Variants in CLCN1 observed in about 807,000 individuals in gnomAD.
CLCN1 encodes chloride voltage-gated channel 1, also known as chloride channel protein 1.
In CLCN1, 100 loss-of-function variants were observed where a neutral mutation model predicts 114.5. That is an observed-to-expected ratio of 0.87 (90% CI 0.74 to 1.03). The LOEUF is 1.03. Ranked by LOEUF, CLCN1 falls within the 50% of genes least tolerant of loss-of-function variation. The probability of loss-of-function intolerance (pLI) is 0.00; values close to 1 mark genes in which losing one functional copy is unlikely to be tolerated. For missense variants in CLCN1, 1,188 were observed against 1,250.0 expected (o/e 0.95, Z 0.75); for synonymous variants, 485 against 487.1 (o/e 1.00, Z 0.06).
intron 14 of CLCN1, 55 bp from the exon 15 acceptor site, chr7:143,341,874 C>T (rs1353789203): frequency 7.0e-7 from 1 of 1,422,962 alleles, no homozygotes; most frequent in East Asian, 2.3e-5. Context: ...CCCATATGTC[C>T]TTCATGCTAA....
At chr7:143,336,528 T>C (rs890780659) in intron 12 of CLCN1, among the ~76,000 whole-genome samples, 1 of 146,828 alleles carries the variant, frequency 6.8e-6, no homozygotes, top group Non-Finnish European at 1.5e-5. Context: ...GAGAATTGCT[T>C]GAACGCGGGA....
rs1586485724 is a variant in CLCN1, at chr7:143,321,626, C to G, written c.563-89C>G. On this transcript the variant is annotated intron_variant, in intron 4 of 22. Coordinates refer to ENST00000343257, the MANE Select transcript of CLCN1 (RefSeq NM_000083.3). The surrounding 1 kb of genome is among the most constrained non-coding windows in gnomAD (Gnocchi z 4.2). ...TCCTCCCCACCACTGCCTCTTCAGCCCTCTCCAATTCCCATTCCCATATTC... is the reference window on the plus strand; with the variant it reads ...TCCTCCCCACCACTGCCTCTTCAGCGCTCTCCAATTCCCATTCCCATATTC... 6.2e-7 allele frequency: 1 copy of G among 1,605,540 alleles called. No individual in the cohort carries two copies.
Position 143,350,864 on chromosome 7 carries a change from G to A in CLCN1, c.2595+210G>A, listed in dbSNP as rs1803378242. 6.6e-6 allele frequency among the ~76,000 whole-genome samples: 1 copy of A among 150,788 alleles called. No homozygotes were observed. Among genetic ancestry groups the A allele is most frequent in the Admixed American group, 6.6e-5 (1 of 15,080 alleles). Reference sequence around the variant, plus strand: ...GTGATCTCAGCTCACTGCAACCTCCGCCTCCCGGGTTCAAGTGATTCTCCT... The same window carrying A: ...GTGATCTCAGCTCACTGCAACCTCCACCTCCCGGGTTCAAGTGATTCTCCT... On this transcript the variant is annotated intron_variant, in intron 22 of 22. Transcript: ENST00000343257. The surrounding 1 kb of genome is among the most constrained non-coding windows in gnomAD (Gnocchi z 5.1).
At chr7:143,317,384 G>A (rs1251736306) in intron 1 of CLCN1, among the ~76,000 whole-genome samples, 1 of 151,808 alleles carries the variant, frequency 6.6e-6, no homozygotes, top group Non-Finnish European at 1.5e-5. Context: ...GAGTAGCTGG[G>A]ATTACAAGCA....
chr7:143,349,605 C>T (rs771996501), intron 20 of CLCN1, among the ~76,000 whole-genome samples: 1 of 152,172 alleles, frequency 6.6e-6, no homozygotes, highest in Non-Finnish European at 1.5e-5. Context: ...TGCCTTAATG[C>T]TTCTGTCATA....
At chr7:143,318,002 T>C (rs1018241505) in intron 1 of CLCN1, among the ~76,000 whole-genome samples, 5 of 152,188 alleles carry the variant, frequency 3.3e-5, no homozygotes, top group Non-Finnish European at 7.3e-5. Flanking sequence ...GGGAGTAGAA[T>C]TGGCCTGTTT....
Position 143,330,772 on chromosome 7 carries a change from G to T in CLCN1, c.854G>T (p.Gly285Val). 15 of 1,614,132 alleles carry T rather than the reference G, an allele frequency of 9.3e-6. No homozygotes were observed. The highest frequency in any genetic ancestry group is 1.3e-5 in the Non-Finnish European group (15 of 1,180,026). The part of the protein sequence containing the change: ...VGCCFGTPLG[G>V]VLFSIEVTST... ...CAACCACACTTCTGTGCCCCTGCAG[G>T]AGTGCTATTTAGCATCGAGGTCACC... The change falls in exon 8 of 23, where the codon GGA (glycine) becomes GTA (valine). Residue 285 changes from glycine to valine, a missense_variant and splice_region_variant. Physicochemically the swap from Gly to Val is moderately radical, Grantham distance 109 (BLOSUM62 -3). Coordinates refer to ENST00000343257, the MANE Select transcript of CLCN1 (RefSeq NM_000083.3).
In CLCN1 at chr7:143,342,402, G is replaced by C. The variant is rs765101381; in HGVS notation, c.1827G>C (p.Met609Ile). The C allele has an allele frequency of 6.2e-7, 1 of 1,614,118 alleles. No individual in the cohort carries two copies. The highest frequency in any genetic ancestry group is 8.5e-7 in the Non-Finnish European group (1 of 1,180,002). ...SKYTIFVEDIMVRDVKFVSAS... is the reference protein window; with the variant it reads ...SKYTIFVEDIIVRDVKFVSAS... Reference sequence around the variant, plus strand: ...ATACCATCTTTGTTGAGGACATCATGGTACGTGATGTGAAGTTTGTTTCAG... The same window carrying C: ...ATACCATCTTTGTTGAGGACATCATCGTACGTGATGTGAAGTTTGTTTCAG... Residue 609 changes from methionine (M) to isoleucine (I), a missense_variant, in exon 16 of 23, where the codon ATG becomes ATC. By Grantham distance (10) the Met-to-Ile change is conservative (BLOSUM62 1). Coordinates refer to ENST00000343257, the MANE Select transcript of CLCN1 (RefSeq NM_000083.3).
At chr7:143,318,494 G>A (rs990374183) in intron 1 of CLCN1, among the ~76,000 whole-genome samples, 2 of 152,228 alleles carry the variant, frequency 1.3e-5, no homozygotes, top group South Asian at 4.2e-4. Flanking sequence ...AAGTGCTGGG[G>A]TTACAGGGGT....
intron 16 of CLCN1, among the ~76,000 whole-genome samples, chr7:143,342,891 T>C (rs920993203): frequency 5.9e-5 from 9 of 151,870 alleles, no homozygotes; most frequent in Non-Finnish European, 1.2e-4. Flanking sequence ...CGAGAACGTG[T>C]CATTGCACTG....
chr7:143,323,013 G>A (rs1048350823), intron 5 of CLCN1, among the ~76,000 whole-genome samples: 1 of 152,126 alleles, frequency 6.6e-6, no homozygotes, highest in Non-Finnish European at 1.5e-5. Flanking sequence ...ACATCTGCGC[G>A]GCTCCCTCCC....
In CLCN1 at chr7:143,350,844, C is replaced by G. The variant is rs1803377794; in HGVS notation, c.2595+190C>G. Among the ~76,000 whole-genome samples the G allele has an allele frequency of 6.6e-6, 1 of 150,848 alleles. No homozygotes were observed. The highest frequency in any genetic ancestry group is 2.1e-4 in the South Asian group (1 of 4,786). ...CCAGGCTGGAGTGCAGTGGCGTGAT[C>G]TCAGCTCACTGCAACCTCCGCCTCC... On this transcript the variant is annotated intron_variant, in intron 22 of 22. Coordinates refer to ENST00000343257, the MANE Select transcript of CLCN1 (RefSeq NM_000083.3). The surrounding 1 kb of genome is among the most constrained non-coding windows in gnomAD (Gnocchi z 5.1).
In CLCN1 at chr7:143,342,500, C is replaced by G. The variant is rs1803112361; in HGVS notation, c.1925C>G (p.Ser642Ter). Reference protein sequence around the residue: ...TTVKTLPLVDSKDSMILLGSV... With the variant: ...TTVKTLPLVD ...GTCAAGACTTTACCACTGGTTGACT[C>G]AAAAGGTCAGTGGGGAGGAAGAAGT... Residue 642 changes from serine to a stop codon, truncating the protein, a stop_gained, in exon 16 of 23, where the codon TCA (serine) becomes TGA (stop). Coordinates refer to ENST00000343257, the MANE Select transcript of CLCN1 (RefSeq NM_000083.3). LOFTEE classifies it high-confidence loss of function. The G allele has an allele frequency of 1.2e-6, 2 of 1,614,060 alleles. No individual in the cohort carries two copies. Among genetic ancestry groups the G allele is most frequent in the Non-Finnish European group, 1.7e-6 (2 of 1,180,004 alleles).
chr7:143,341,883 A>C, intron 14 of CLCN1, 46 bp from the exon 15 acceptor site: 1 of 1,501,634 alleles, frequency 6.7e-7, no homozygotes, highest in South Asian at 1.1e-5. Flanking sequence ...CCTTCATGCT[A>C]AGAACGGTAG....
intron 7 of CLCN1, among the ~76,000 whole-genome samples, chr7:143,330,531 C>A (rs1201649277): frequency 1.3e-5 from 2 of 152,116 alleles, no homozygotes; most frequent in African/African-American, 4.8e-5. Flanking sequence ...AGGTTGAAGG[C>A]CCATTCGTTT....
Position 143,350,498 on chromosome 7 carries a change from C to CAGGGCTGTGGGGAAGGCAGG in CLCN1, c.2508+25_2508+44dup. Reference sequence around the variant, plus strand: ...CAAGGTGAGTCTTTTGCTGACTGCTCAGGGCTGTGGGGAAGGCAGGAGAGC... The same window carrying CAGGGCTGTGGGGAAGGCAGG: ...CAAGGTGAGTCTTTTGCTGACTGCTCAGGGCTGTGGGGAAGGCAGGAGGGCTGTGGGGAAGGCAGGAGAGC... On this transcript the variant is annotated intron_variant, in intron 21 of 22. Transcript: ENST00000343257. The surrounding 1 kb of genome is among the most constrained non-coding windows in gnomAD (Gnocchi z 5.1). 6.2e-7 allele frequency: 1 copy of CAGGGCTGTGGGGAAGGCAGG among 1,611,032 alleles called. No individual in the cohort carries two copies.
chr7:143,348,677 T>C (rs1489855826), intron 20 of CLCN1, among the ~76,000 whole-genome samples: 2 of 152,186 alleles, frequency 1.3e-5, no homozygotes, highest in Non-Finnish European at 2.9e-5. Flanking sequence ...GGGGGCAGTA[T>C]GGGAATATTG....
chr7:143,342,279 T>C, intron 15 of CLCN1, 93 bp from the exon 16 acceptor site: 2 of 1,522,320 alleles, frequency 1.3e-6, no homozygotes, highest in Non-Finnish European at 1.8e-6. Context: ...TAGTAGATAT[T>C]GTGAGTGACT....
chr7:143,340,829 G>A lies in CLCN1; in HGVS notation c.1583-1100G>A, dbSNP rs542900235. ...ATTACAGGCATAAGCCACCATGCCC[G>A]GCTGACTTTTTCTTGTTACATTTTC... On this transcript the variant is annotated intron_variant, in intron 14 of 22. Transcript: ENST00000343257. 6.1e-4 allele frequency among the ~76,000 whole-genome samples: 93 copies of A among 152,224 alleles called. 4 individuals carry two copies. The South Asian group carries it at 0.017, about 29-fold the overall frequency.
Sources: gnomAD v4.1 joint callset for allele counts (sites outside exome capture counted in the v4.1 genomes callset) on GRCh38, gnomAD v4.1.1 for gene constraint, Gnocchi (gnomAD v3.1) non-coding constraint, MANE v1.5 for transcripts, NCBI Gene and HGNC (gene_info 2026-07-23, HGNC 2026-07-21) for gene names.